Variants in CARD9 observed in about 807,000 individuals in gnomAD.
CARD9 encodes caspase recruitment domain family member 9.
CARD9 carries 53 observed loss-of-function variants against 66.0 expected under a neutral mutation model. The ratio of observed to expected loss-of-function variants is 0.80; its 90% CI spans 0.64 to 1.01. The LOEUF (loss-of-function observed/expected upper bound fraction) is 1.01, where lower values mean the gene tolerates loss of function less well. Among genes scored for constraint, CARD9 ranks in the 50% least tolerant of loss-of-function variants. The pLI is 0.00. For synonymous variants in CARD9, 387 were observed against 313.8 expected (o/e 1.23, Z -2.47); for missense variants, 769 against 743.2 (o/e 1.03, Z -0.40).
intron 7 of CARD9, 129 bp from the exon 8 acceptor site, chr9:136,367,957 AG>A: frequency 6.9e-7 from 1 of 1,442,730 alleles, no homozygotes; most frequent in Non-Finnish European, 9.1e-7. Context: ...GGCTGGTCAC[AG>A]CCCCTCCATT....
rs768563494 is a variant in CARD9 at position 136,371,875 on chromosome 9, G to A, written c.184+20C>T. 3 of 1,578,152 alleles carry A rather than the reference G, an allele frequency of 1.9e-6. No individual in the cohort carries two copies. The highest frequency in any genetic ancestry group is 4.5e-5 in the East Asian group (2 of 44,288). On this transcript the variant is annotated intron_variant, in intron 2 of 12. Transcript: ENST00000371732. Reference sequence around the variant, plus strand: ...TCTGTGGTTGGGTTTGGGGCCTGGGGCCCGCGGGGCAACACTGACCCACTT... The same window carrying A: ...TCTGTGGTTGGGTTTGGGGCCTGGGACCCGCGGGGCAACACTGACCCACTT...
rs1310160104 is a variant in CARD9, at chr9:136,367,720, G to C, written c.1186C>G (p.Gln396Glu). ...RELGEKADELQLQVFQCEAQL... is the reference protein window; with the variant it reads ...RELGEKADELELQVFQCEAQL... ...GCCTCACACTGGAACACCTGCAGCT[G>C]CAGCTCATCCGCCTTCTCGCCCAGC... Residue 396 changes from glutamine to glutamate, a missense_variant, in exon 8 of 13, where the codon CAG becomes GAG. Physicochemically the swap from Gln to Glu is conservative, Grantham distance 29. Transcript: ENST00000371732. 3.1e-6 allele frequency: 5 copies of C among 1,604,818 alleles called. No individual in the cohort carries two copies. In the African/African-American group the frequency reaches 6.7e-5, roughly 21 times the overall value.
rs552192123 is a variant in CARD9 at position 136,364,054 on chromosome 9, C to T, written c.*248G>A. 1 of 1,533,472 alleles carries T rather than the reference C, an allele frequency of 6.5e-7. No individual in the cohort carries two copies. The highest frequency in any genetic ancestry group is 1.4e-5 in the African/African-American group (1 of 72,812). 95.0% of individuals were successfully genotyped at this position (1,533,472 alleles called of 1,614,324 possible). A position where few individuals can be genotyped will look rare whatever the true frequency, so the allele number is the denominator to read the frequency against. ...GTTACATGGTGAAACAGAACAGATCCTGAAGTTACACAGATGGCGTGTGCA... is the reference window on the plus strand; with the variant it reads ...GTTACATGGTGAAACAGAACAGATCTTGAAGTTACACAGATGGCGTGTGCA... On this transcript the variant is annotated 3_prime_UTR_variant, in exon 13 of 13. Transcript: ENST00000371732.
At chr9:136,366,638 G>T in intron 10 of CARD9, 162 bp downstream of exon 10, 1 of 765,572 alleles carries the variant, frequency 1.3e-6, no homozygotes. Context: ...TTCTCTAGGT[G>T]ACCTTGACCA....
chr9:136,364,365 C>G lies in CARD9; in HGVS notation c.1548G>C (p.Arg516=). 6.4e-7 allele frequency: 1 copy of G among 1,569,216 alleles called. No homozygotes were observed. The highest frequency in any genetic ancestry group is 8.6e-7 in the Non-Finnish European group (1 of 1,159,004). Residue 516 remains arginine, a synonymous_variant, in exon 13 of 13, where the codon CGG becomes CGC. Coordinates refer to ENST00000371732, the MANE Select transcript of CARD9 (RefSeq NM_052813.5). ...TGTTCTCCCGGTCCTCCTCCCCCTG[C>G]CGCCATCCTTTCTGCATCTTCCTGA... The part of the protein sequence containing the change: ...RALRKMQKGW[R]QGEEDRENTT...
At position 136,363,976 on chromosome 9, in the gene CARD9, T is replaced by C. The variant is rs1481452274; in HGVS notation, c.*326A>G. On this transcript the variant is annotated 3_prime_UTR_variant, in exon 13 of 13. Transcript: ENST00000371732. Reference sequence around the variant, plus strand: ...GGGAATGCGGGTCACCCGTGCTGTTTATTTACGCAGCTGTGTTTTCTAACA... The same window carrying C: ...GGGAATGCGGGTCACCCGTGCTGTTCATTTACGCAGCTGTGTTTTCTAACA... 1 of 1,152,564 alleles carries C rather than the reference T, an allele frequency of 8.7e-7. No homozygotes were observed. The highest frequency in any genetic ancestry group is 2.6e-5 in the East Asian group (1 of 38,814). The allele number at this position is 1,152,564 out of a possible 1,614,324, so 71.4% of individuals were successfully genotyped here. A position where few individuals can be genotyped will look rare whatever the true frequency, so the allele number is the denominator to read the frequency against.
At position 136,367,788 on chromosome 9, in the gene CARD9, C is replaced by T. The variant is rs149712114; in HGVS notation, c.1118G>A (p.Arg373Gln). Residue 373 changes from arginine (R) to glutamine (Q), a missense_variant, in exon 8 of 13, where the codon CGG becomes CAG. Transcript: ENST00000371732. ...TREELHAQHA[R>Q]GLQEKDALRK... ...CAGCGCGTCCTTCTCCTGCAGGCCCCGGGCGTGCTGTGCGTGCAGCTCCTC... is the reference window on the plus strand; with the variant it reads ...CAGCGCGTCCTTCTCCTGCAGGCCCTGGGCGTGCTGTGCGTGCAGCTCCTC... 2.6e-5 allele frequency: 42 copies of T among 1,603,472 alleles called. No individual in the cohort carries two copies. In the East Asian group the frequency reaches 3.8e-4, roughly 14 times the overall value.
intron 12 of CARD9, 39 bp from the exon 13 acceptor site, chr9:136,364,440 C>T (rs769705852): frequency 2.6e-6 from 4 of 1,541,460 alleles, no homozygotes; most frequent in Non-Finnish European, 3.5e-6. Context: ...CCGGCTGCCG[C>T]TCCCCAGCCC....
Position 136,367,115 on chromosome 9 carries a change from A to T in CARD9, c.1311+101T>A, listed in dbSNP as rs964070997. ...CTCCACCCAGCCCAGCCCACCGAGC[A>T]GGGCCATGTGACGGGCAGTGTGGGG... On this transcript the variant is annotated intron_variant, in intron 9 of 12. Transcript: ENST00000371732. 9 of 1,352,510 alleles carry T rather than the reference A, an allele frequency of 6.7e-6. No individual in the cohort carries two copies. The Admixed American group carries it at 1.7e-4, about 26-fold the overall frequency. 83.8% of individuals were successfully genotyped at this position (1,352,510 alleles called of 1,614,324 possible).
Position 136,369,795 on chromosome 9 carries a change from C to G in CARD9, c.1032G>C (p.Glu344Asp). Residue 344 changes from glutamate to aspartate, a missense_variant, in exon 7 of 13, where the codon GAG (glutamate) becomes GAC (aspartate). Physicochemically the swap from Glu to Asp is conservative, Grantham distance 45. Coordinates refer to ENST00000371732, the MANE Select transcript of CARD9 (RefSeq NM_052813.5). ...CCTCCTCCATCTGCAGCAGGATGGC[C>G]TCGATGCGGTCCTTGTACATCTTGG... The part of the protein sequence containing the change: ...KDSKMYKDRI[E>D]AILLQMEEVA... 1 of 1,611,972 alleles carries G rather than the reference C, an allele frequency of 6.2e-7. No homozygotes were observed. Among genetic ancestry groups the G allele is most frequent in the Non-Finnish European group, 8.5e-7 (1 of 1,179,714 alleles).
chr9:136,367,324 A>G, intron 8 of CARD9, 67 bp from the exon 9 acceptor site: 1 of 1,550,740 alleles, frequency 6.4e-7, no homozygotes, highest in Non-Finnish European at 8.8e-7. Flanking sequence ...CAGGGTGGGC[A>G]GGGCACAGAG....
chr9:136,373,504 C>T (rs545925069), intron 1 of CARD9, 28 bp downstream of exon 1: 1 of 985,622 alleles, frequency 1.0e-6, no homozygotes, highest in South Asian at 4.7e-5. Flanking sequence ...TTCCTGGCCA[C>T]CTTTCAGAAA....
intron 10 of CARD9, 66 bp downstream of exon 10, chr9:136,366,734 T>C: frequency 6.4e-7 from 1 of 1,554,648 alleles, no homozygotes; most frequent in Non-Finnish European, 8.9e-7. Context: ...GGGCTGCCTG[T>C]GCTGAAGATG....
Position 136,368,744 on chromosome 9 carries a change from A to C in CARD9, c.1078-916T>G, listed in dbSNP as rs560303669. Among the ~76,000 whole-genome samples, 59 of 152,258 alleles carry C rather than the reference A, an allele frequency of 3.9e-4. 1 individual carries two copies. Among genetic ancestry groups the C allele is most frequent in the Middle Eastern group, 6.8e-3 (2 of 292 alleles). On this transcript the variant is annotated intron_variant, in intron 7 of 12. Transcript: ENST00000371732. ...ACTCCCGTGGCCCAGGCTGGAGTGCAATAGCGCAATGGTGACTTGCTGCAG... is the reference window on the plus strand; with the variant it reads ...ACTCCCGTGGCCCAGGCTGGAGTGCCATAGCGCAATGGTGACTTGCTGCAG...
chr9:136,365,134 G>T lies in CARD9; in HGVS notation c.1434+7C>A, dbSNP rs1469779738. The stretch of plus-strand genomic sequence containing the variant: ...GCTGGGAGGACCCCACCCCGGGGAA[G>T]CCTTACATGGGGGTTCCGCAAAACC... On this transcript the variant is annotated splice_region_variant and intron_variant, in intron 11 of 12. Transcript: ENST00000371732. 3.1e-6 allele frequency: 5 copies of T among 1,611,910 alleles called. No homozygotes were observed. Among genetic ancestry groups the T allele is most frequent in the Middle Eastern group, 3.3e-4 (2 of 6,048 alleles).
In CARD9 at chr9:136,371,305, C is replaced by G. The variant is rs750087571; in HGVS notation, c.322+19G>C. 1 of 1,596,172 alleles carries G rather than the reference C, an allele frequency of 6.3e-7. No individual in the cohort carries two copies. The highest frequency in any genetic ancestry group is 1.1e-5 in the South Asian group (1 of 88,796). ...CCGCCAGCGCCTCCCCTGTCGGCCCCGCCTCCCCCGTCACTCACCGATGAT... is the reference window on the plus strand; with the variant it reads ...CCGCCAGCGCCTCCCCTGTCGGCCCGGCCTCCCCCGTCACTCACCGATGAT... On this transcript the variant is annotated intron_variant, in intron 3 of 12. Coordinates refer to ENST00000371732, the MANE Select transcript of CARD9 (RefSeq NM_052813.5).
chr9:136,373,045 T>G (rs1588727459), intron 1 of CARD9, among the ~76,000 whole-genome samples: 1 of 152,150 alleles, frequency 6.6e-6, no homozygotes, highest in South Asian at 2.1e-4. Flanking sequence ...CCACTCCCTC[T>G]GAGACTGGGA....
chr9:136,372,181 A>G, intron 1 of CARD9, 87 bp from the exon 2 acceptor site: 1 of 1,543,668 alleles, frequency 6.5e-7, no homozygotes. Flanking sequence ...ACGCTGGGCC[A>G]GGGCTCTCGT....
At chr9:136,371,700 G>A (rs1833279103) in intron 2 of CARD9, among the ~76,000 whole-genome samples, 195 bp downstream of exon 2, 1 of 152,194 alleles carries the variant, frequency 6.6e-6, no homozygotes, top group South Asian at 2.1e-4. Flanking sequence ...GCCCCTCTTG[G>A]CAGCACCAAG....
Sources: allele counts gnomAD v4.1 joint callset (sites outside exome capture counted in the v4.1 genomes callset), GRCh38; gene constraint gnomAD v4.1.1; transcripts MANE v1.5; gene names NCBI Gene and HGNC (gene_info 2026-07-23, HGNC 2026-07-21).